ADGRL4: variants seen among roughly 807,000 people sequenced by gnomAD.
ADGRL4 encodes the protein EGF, latrophilin and seven transmembrane domain containing 1.
ADGRL4 carries 90 observed loss-of-function variants against 74.8 expected under a neutral mutation model. The ratio of observed to expected loss-of-function variants is 1.20; its 90% CI spans 1.02 to 1.43. The LOEUF is 1.43. ADGRL4 is among the 40% of genes most tolerant of loss of function. The pLI is 0.00. For synonymous variants in ADGRL4, 311 were observed against 279.2 expected (o/e 1.11, Z -1.14); for missense variants, 881 against 814.3 (o/e 1.08, Z -1.00).
chr1:78,923,208 C>T (rs1035958039), intron 8 of ADGRL4, among the ~76,000 whole-genome samples: 11 of 151,996 alleles, frequency 7.2e-5, no homozygotes, highest in African/African-American at 2.7e-4. Context: ...CCAGACTGAA[C>T]TGTGATTGTG....
intron 2 of ADGRL4, among the ~76,000 whole-genome samples, chr1:78,990,098 C>A (rs907904131): frequency 2.0e-5 from 3 of 151,914 alleles, no homozygotes; most frequent in African/African-American, 7.2e-5. Flanking sequence ...AGCTGAGGAT[C>A]CTTTTTACCT....
At chr1:78,996,235 T>A (rs540152941) in intron 2 of ADGRL4, among the ~76,000 whole-genome samples, 1 of 152,320 alleles carries the variant, frequency 6.6e-6, no homozygotes, top group South Asian at 2.1e-4. Context: ...ATCCTCCTGA[T>A]AACAGTCACC....
chr1:78,942,829 C>G (rs141546721), intron 3 of ADGRL4, among the ~76,000 whole-genome samples: 22 of 152,054 alleles, frequency 1.4e-4, no homozygotes, highest in Non-Finnish European at 2.9e-4. Context: ...ATTTGGGAAG[C>G]TGATACAGAA....
intron 8 of ADGRL4, among the ~76,000 whole-genome samples, chr1:78,926,338 C>A (rs922845430): frequency 2.0e-5 from 3 of 151,910 alleles, no homozygotes; most frequent in Non-Finnish European, 4.4e-5. Context: ...TTGGTTAGTT[C>A]TAATCATGCT....
intron 1 of ADGRL4, 129 bp downstream of exon 1, chr1:79,006,503 TA>T: frequency 9.6e-7 from 1 of 1,040,938 alleles, no homozygotes; most frequent in Non-Finnish European, 1.4e-6. Context: ...TGAGAAGTAC[TA>T]AATCAATTCT....
intron 2 of ADGRL4, among the ~76,000 whole-genome samples, chr1:78,987,318 T>C (rs1650518002): frequency 6.6e-6 from 1 of 151,784 alleles, no homozygotes; most frequent in Non-Finnish European, 1.5e-5. Context: ...CATTGACATA[T>C]AGGTAAAAAT....
At chr1:78,911,959 T>C (rs1181555080) in intron 12 of ADGRL4, among the ~76,000 whole-genome samples, 1 of 151,858 alleles carries the variant, frequency 6.6e-6, no homozygotes, top group Non-Finnish European at 1.5e-5. Flanking sequence ...TTACCATCGA[T>C]ATTTTTAGTG....
At chr1:78,901,094 T>C (rs942197721) in intron 12 of ADGRL4, among the ~76,000 whole-genome samples, 3 of 152,178 alleles carry the variant, frequency 2.0e-5, no homozygotes, top group South Asian at 2.1e-4. Context: ...AATAAAAATA[T>C]AGGATACCAG....
intron 2 of ADGRL4, among the ~76,000 whole-genome samples, chr1:78,963,330 A>G (rs1056870242): frequency 6.6e-6 from 1 of 152,160 alleles, no homozygotes; most frequent in African/African-American, 2.4e-5. Flanking sequence ...CCTTTGCCCC[A>G]ACACCTCTTT....
At chr1:78,915,727 T>C (rs960127864) in intron 12 of ADGRL4, among the ~76,000 whole-genome samples, 5 of 151,928 alleles carry the variant, frequency 3.3e-5, no homozygotes, top group Non-Finnish European at 7.4e-5. Context: ...TCTTTGACTT[T>C]ATCTTTGAAC....
intron 2 of ADGRL4, among the ~76,000 whole-genome samples, chr1:78,952,863 G>A (rs1649757307): frequency 6.6e-6 from 1 of 152,044 alleles, no homozygotes; most frequent in African/African-American, 2.4e-5. Context: ...AAGGAAAAAT[G>A]TCACTTTGAC....
chr1:78,982,410 T>C (rs756212713), intron 2 of ADGRL4, among the ~76,000 whole-genome samples: 2 of 151,816 alleles, frequency 1.3e-5, no homozygotes, highest in Non-Finnish European at 1.5e-5. Flanking sequence ...GCTTAAGACA[T>C]AGGGCAATTA....
intron 12 of ADGRL4, among the ~76,000 whole-genome samples, chr1:78,917,301 C>T (rs950403013): frequency 1.3e-5 from 2 of 151,604 alleles, no homozygotes; most frequent in Non-Finnish European, 2.9e-5. Flanking sequence ...GCTTTTTCCT[C>T]TATGTTATGC....
rs529628432 is a variant in ADGRL4 at position 78,889,970 on chromosome 1, G to A, written c.*1184C>T. On this transcript the variant is annotated 3_prime_UTR_variant, in exon 15 of 15. Transcript: ENST00000370742. The stretch of plus-strand genomic sequence containing the variant: ...AGACAGATAGAAGCTATATATTTAA[G>A]CAGATATGATTTAATAGATAGTAGA... 1 of 292,788 alleles carries A rather than the reference G, an allele frequency of 3.4e-6. No homozygotes were observed. Among genetic ancestry groups the A allele is most frequent in the Admixed American group, 5.1e-5 (1 of 19,726 alleles). 18.1% of individuals were successfully genotyped at this position (292,788 alleles called of 1,614,324 possible).
At chr1:78,996,917 A>G (rs1302787443) in intron 2 of ADGRL4, among the ~76,000 whole-genome samples, 1 of 152,238 alleles carries the variant, frequency 6.6e-6, no homozygotes, top group Non-Finnish European at 1.5e-5. Context: ...CACAGGGAAG[A>G]GATGATTACA....
At chr1:78,914,222 G>T (rs1032916127) in intron 12 of ADGRL4, among the ~76,000 whole-genome samples, 3 of 151,790 alleles carry the variant, frequency 2.0e-5, no homozygotes, top group Non-Finnish European at 1.5e-5. Flanking sequence ...CCTCAATGAA[G>T]ACTTTTGAAT....
rs562902302 is a variant in ADGRL4, at chr1:78,976,440, A to T, written c.172+28630T>A. Among the ~76,000 whole-genome samples, 93 of 151,998 alleles carry T rather than the reference A, an allele frequency of 6.1e-4. 2 individuals carry two copies. In the South Asian group the frequency reaches 0.019, roughly 31 times the overall value. On this transcript the variant is annotated intron_variant, in intron 2 of 14. Coordinates refer to ENST00000370742, the MANE Select transcript of ADGRL4 (RefSeq NM_022159.4). ...AGATATGAAATATTAAGAAAACAAA[A>T]TAAAATGAAAAAAAATCCTCTATAA...
intron 2 of ADGRL4, among the ~76,000 whole-genome samples, chr1:78,966,646 C>T (rs1222843719): frequency 4.6e-5 from 7 of 152,120 alleles, no homozygotes; most frequent in Admixed American, 6.5e-5. Flanking sequence ...CTCCTCACTC[C>T]CCCTCCTCTT....
Position 78,958,027 on chromosome 1 carries a change from C to A in ADGRL4, c.173-11601G>T, listed in dbSNP as rs185825052. 1.5e-3 allele frequency among the ~76,000 whole-genome samples: 234 copies of A among 152,042 alleles called. 2 individuals carry two copies. The highest frequency in any genetic ancestry group is 1.5e-3 in the South Asian group (7 of 4,810). The stretch of plus-strand genomic sequence containing the variant: ...GCTTGTGCTCTATAAAGAAACAATC[C>A]TTTTATGACAGCACATCTGTTTACA... On this transcript the variant is annotated intron_variant, in intron 2 of 14. Coordinates refer to ENST00000370742, the MANE Select transcript of ADGRL4 (RefSeq NM_022159.4).
Sources: gnomAD v4.1 joint callset for allele counts (sites outside exome capture counted in the v4.1 genomes callset) on GRCh38, gnomAD v4.1.1 for gene constraint, MANE v1.5 for transcripts, NCBI Gene and HGNC (gene_info 2026-07-23, HGNC 2026-07-21) for gene names.